The following KTN1 variants were observed in gnomAD, a reference collection of about 807,000 sequenced individuals.
The protein encoded by KTN1 is kinectin 1, also known as kinectin.
Under a neutral mutation model 222.5 loss-of-function variants are expected in KTN1, and 130 were observed. That is an observed-to-expected ratio of 0.58 (90% CI 0.51 to 0.68). The LOEUF (loss-of-function observed/expected upper bound fraction) is 0.68. Ranked by LOEUF, KTN1 falls within the 30% of genes least tolerant of loss-of-function variation. KTN1 has a pLI of 0.00. For synonymous variants in KTN1, 512 were observed against 496.3 expected, an observed-to-expected ratio of 1.03 and a Z score of -0.42; for missense variants, 1,508 against 1,500.4, an observed-to-expected ratio of 1.01 and a Z score of -0.08.
At chr14:55,680,795 C>A in intron 43 of KTN1, 4 of 944,608 alleles carry the variant, frequency 4.2e-6, no homozygotes, top group Non-Finnish European at 4.7e-6. Flanking sequence ...CATTCTTCAA[C>A]ATATCAACAA....
At position 55,640,402 on chromosome 14, in the gene KTN1, A is replaced by C; in HGVS notation, c.1943A>C (p.Lys648Thr). 1.9e-6 allele frequency: 3 copies of C among 1,607,018 alleles called. No homozygotes were observed. Among genetic ancestry groups the C allele is most frequent in the Non-Finnish European group, 2.6e-6 (3 of 1,175,470 alleles). ...ATACAGAATATGAATTTCTTATTAA[A>C]AGCTGAAGTGCAGAAATTACAGGCC... ...KDIQNMNFLLKAEVQKLQALA... is the reference protein window; with the variant it reads ...KDIQNMNFLLTAEVQKLQALA... Residue 648 changes from lysine to threonine, a missense_variant, in exon 15 of 44, where the codon AAA becomes ACA. By Grantham distance (78) the Lys-to-Thr change is moderately conservative. Coordinates refer to ENST00000395314, the MANE Select transcript of KTN1 (RefSeq NM_001079521.2).
intron 1 of KTN1, among the ~76,000 whole-genome samples, chr14:55,603,763 C>T (rs1447941512): frequency 6.6e-6 from 1 of 152,218 alleles, no homozygotes; most frequent in African/African-American, 2.4e-5. Flanking sequence ...GACATCTCCA[C>T]TTACCTAAAA....
intron 34 of KTN1, among the ~76,000 whole-genome samples, chr14:55,669,220 TA>T (rs933236847): frequency 6.6e-6 from 1 of 152,068 alleles, no homozygotes; most frequent in African/African-American, 2.4e-5. Flanking sequence ...TCACCAGCAG[TA>T]AAAATTTTCT....
intron 33 of KTN1, among the ~76,000 whole-genome samples, chr14:55,666,114 G>T (rs2044709141): frequency 6.6e-6 from 1 of 151,804 alleles, no homozygotes; most frequent in African/African-American, 2.4e-5. Flanking sequence ...TTGAATTATT[G>T]AAAATATCCT....
chr14:55,602,816 G>A (rs2036180684), intron 1 of KTN1, among the ~76,000 whole-genome samples: 1 of 152,092 alleles, frequency 6.6e-6, no homozygotes. Flanking sequence ...CTGGGCTCAA[G>A]CAGTCCTTTC....
intron 27 of KTN1, among the ~76,000 whole-genome samples, 171 bp downstream of exon 27, chr14:55,653,256 T>TA (rs954762608): frequency 1.3e-5 from 2 of 152,240 alleles, no homozygotes; most frequent in African/African-American, 4.8e-5. Flanking sequence ...TGGCAAGTCA[T>TA]ACTTAACTGC....
intron 43 of KTN1, chr14:55,680,328 T>G (rs1381924959): frequency 1.1e-5 from 2 of 179,758 alleles, no homozygotes; most frequent in Admixed American, 5.6e-5. Flanking sequence ...ATGACTTGTA[T>G]TCCAGCCGGT....
intron 5 of KTN1, among the ~76,000 whole-genome samples, chr14:55,624,821 C>T (rs1027389445): frequency 6.6e-6 from 1 of 152,120 alleles, no homozygotes; most frequent in Non-Finnish European, 1.5e-5. Flanking sequence ...GAATGATCAA[C>T]AGTAACATGC....
At chr14:55,666,175 G>A (rs1391165725) in intron 33 of KTN1, among the ~76,000 whole-genome samples, 1 of 151,870 alleles carries the variant, frequency 6.6e-6, no homozygotes, top group African/African-American at 2.4e-5. Flanking sequence ...ACAGCTTTTT[G>A]TGTGTATGGA....
intron 34 of KTN1, chr14:55,667,706 C>T (rs1464253432): frequency 6.5e-6 from 1 of 153,802 alleles, no homozygotes; most frequent in African/African-American, 2.4e-5. Context: ...ATACTATGAA[C>T]TAGGCTCTTT....
Position 55,679,638 on chromosome 14 carries a change from C to T in KTN1, c.4022C>T (p.Ala1341Val), listed in dbSNP as rs139286090. ...ACACAGTTACAGCAGTTGCTTCAGGCGGTAAACCAACAGCTCACAAAGGAG... is the reference window on the plus strand; with the variant it reads ...ACACAGTTACAGCAGTTGCTTCAGGTGGTAAACCAACAGCTCACAAAGGAG... Reference protein sequence around the residue: ...TVTQLQQLLQAVNQQLTKEKE... With the variant: ...TVTQLQQLLQVVNQQLTKEKE... Residue 1341 changes from alanine to valine, a missense_variant, in exon 43 of 44, where the codon GCG becomes GTG. Transcript: ENST00000395314. 3.7e-4 allele frequency: 594 copies of T among 1,613,364 alleles called. No individual in the cohort carries two copies. The highest frequency in any genetic ancestry group is 4.8e-4 in the Non-Finnish European group (565 of 1,179,522).
chr14:55,606,678 G>A (rs996894770), intron 1 of KTN1, among the ~76,000 whole-genome samples: 46 of 152,000 alleles, frequency 3.0e-4, no homozygotes, highest in African/African-American at 1.1e-3. Flanking sequence ...TTCTCATAAT[G>A]TTAACAATTC....
chr14:55,593,007 A>G (rs558142882), intron 1 of KTN1, among the ~76,000 whole-genome samples: 1 of 152,168 alleles, frequency 6.6e-6, no homozygotes, highest in South Asian at 2.1e-4. Context: ...TGTGCTTCAT[A>G]CTAGGTGAAT....
chr14:55,641,845 T>C, intron 18 of KTN1, 85 bp downstream of exon 18: 1 of 862,422 alleles, frequency 1.2e-6, no homozygotes, highest in African/African-American at 1.7e-5. Flanking sequence ...AAATTACTAA[T>C]TGAGAAATTT....
intron 28 of KTN1, among the ~76,000 whole-genome samples, chr14:55,654,793 G>T (rs994349520): frequency 2.0e-5 from 3 of 152,016 alleles, no homozygotes; most frequent in Admixed American, 6.6e-5. Context: ...TATCATTACA[G>T]TATCATACAA....
intron 4 of KTN1, among the ~76,000 whole-genome samples, chr14:55,618,351 T>A (rs755132327): frequency 3.3e-5 from 5 of 152,226 alleles, no homozygotes; most frequent in African/African-American, 4.8e-5. Flanking sequence ...GCTATTTTGC[T>A]ATCTGATGAT....
chr14:55,605,397 C>G (rs903682478), intron 1 of KTN1, among the ~76,000 whole-genome samples: 2 of 152,078 alleles, frequency 1.3e-5, no homozygotes, highest in African/African-American at 4.8e-5. Flanking sequence ...ATCACGTGTT[C>G]TGTTATTTTG....
At chr14:55,664,077 CAG>C in intron 33 of KTN1, 36 bp downstream of exon 33, 1 of 1,342,484 alleles carries the variant, frequency 7.4e-7, no homozygotes, top group Non-Finnish European at 1.1e-6. Flanking sequence ...ATCCACTGAA[CAG>C]AGAAAATCTG....
chr14:55,589,991 A>G (rs2033821647), intron 1 of KTN1, among the ~76,000 whole-genome samples: 1 of 151,628 alleles, frequency 6.6e-6, no homozygotes, highest in Non-Finnish European at 1.5e-5. Context: ...GCTTTGTAAT[A>G]AGTAAAAACA....
Sources: gnomAD v4.1 joint callset for allele counts (sites outside exome capture counted in the v4.1 genomes callset) on GRCh38, gnomAD v4.1.1 for gene constraint, MANE v1.5 for transcripts, NCBI Gene and HGNC (gene_info 2026-07-23, HGNC 2026-07-21) for gene names.